The following KCNT2 variants were observed in gnomAD, a reference collection of about 807,000 sequenced individuals.
KCNT2 encodes the protein potassium sodium-activated channel subfamily T member 2.
In KCNT2, 67 loss-of-function variants were observed where a neutral mutation model predicts 153.8. That is an observed-to-expected ratio of 0.44 (90% confidence interval 0.36 to 0.53). KCNT2 has a LOEUF of 0.53. KCNT2 is among the 20% of genes least tolerant of loss of function. The pLI is 0.00. For synonymous variants in KCNT2, 500 were observed against 458.8 expected (o/e 1.09, Z -1.15); for missense variants, 975 against 1,354.8 (o/e 0.72, Z 4.40).
chr1:196,565,817 G>A (rs916896770), intron 1 of KCNT2, among the ~76,000 whole-genome samples: 1 of 151,578 alleles, frequency 6.6e-6, no homozygotes, highest in African/African-American at 2.4e-5. Flanking sequence ...TAGAGGATGT[G>A]GGTGGGGAGG....
chr1:196,275,308 T>A (rs1349202686), intron 25 of KCNT2, among the ~76,000 whole-genome samples: 1 of 151,794 alleles, frequency 6.6e-6, no homozygotes, highest in Non-Finnish European at 1.5e-5. Flanking sequence ...TCTCCTGGCA[T>A]GGAGGGCATA....
chr1:196,241,712 A>C (rs1654977274), intron 26 of KCNT2, among the ~76,000 whole-genome samples: 1 of 152,066 alleles, frequency 6.6e-6, no homozygotes, highest in African/African-American at 2.4e-5. Context: ...TTTCAGAACA[A>C]GCTACATTTT....
chr1:196,332,174 G>A (rs531845816), intron 17 of KCNT2, among the ~76,000 whole-genome samples: 16 of 152,146 alleles, frequency 1.1e-4, no homozygotes, highest in African/African-American at 2.2e-4. Flanking sequence ...AATAAAGTTC[G>A]TTGGCTAAGA....
rs962321469 is a variant in KCNT2 at position 196,334,004 on chromosome 1, G to A, written c.1840C>T (p.Leu614=). 1.9e-6 allele frequency: 3 copies of A among 1,613,256 alleles called. No individual in the cohort carries two copies. The highest frequency in any genetic ancestry group is 3.3e-5 in the Admixed American group (2 of 59,914). The change falls in exon 17 of 28, where the codon CTG becomes TTG. Residue 614 remains leucine, a synonymous_variant. Transcript: ENST00000294725. ...TSCRSASGPT[L]SLPTEGSKEI... Reference sequence around the variant, plus strand: ...TTGCTTCCCTCTGTAGGAAGAGACAGGGTAGGGCCACTTGCTGATCTACAG... The same window carrying A: ...TTGCTTCCCTCTGTAGGAAGAGACAAGGTAGGGCCACTTGCTGATCTACAG...
intron 22 of KCNT2, among the ~76,000 whole-genome samples, chr1:196,301,941 T>C (rs1227613129): frequency 6.6e-6 from 1 of 152,102 alleles, no homozygotes; most frequent in African/African-American, 2.4e-5. Flanking sequence ...GGTTTTACCA[T>C]GTTGGCCACG....
intron 1 of KCNT2, among the ~76,000 whole-genome samples, chr1:196,493,431 A>C (rs1428931652): frequency 6.6e-6 from 1 of 152,022 alleles, no homozygotes; most frequent in Non-Finnish European, 1.5e-5. Context: ...AAAGCTGCTC[A>C]TGCATTTGAG....
intron 1 of KCNT2, among the ~76,000 whole-genome samples, chr1:196,536,924 G>A (rs955379314): frequency 2.6e-5 from 4 of 152,198 alleles, no homozygotes; most frequent in Admixed American, 6.5e-5. Context: ...GGCAGCATAT[G>A]CAGTTACTAA....
chr1:196,269,492 T>C (rs1217417879), intron 25 of KCNT2, among the ~76,000 whole-genome samples: 1 of 152,078 alleles, frequency 6.6e-6, no homozygotes, highest in African/African-American at 2.4e-5. Context: ...AAGTTTTATA[T>C]CTCAGTATTT....
chr1:196,284,244 AAAAAATAT>A (rs1351298694), intron 23 of KCNT2, among the ~76,000 whole-genome samples: 1 of 15,542 alleles, frequency 6.4e-5, no homozygotes, highest in African/African-American at 7.8e-5. Context: ...AAAAAAAAAA[AAAAAATAT>A]ATATATATAT....
chr1:196,354,440 G>C (rs1667009972), intron 14 of KCNT2, among the ~76,000 whole-genome samples: 1 of 151,446 alleles, frequency 6.6e-6, no homozygotes, highest in Non-Finnish European at 1.5e-5. Context: ...AGTTATCTTT[G>C]CATCAATGGG....
At chr1:196,501,771 A>C (rs985299901) in intron 1 of KCNT2, among the ~76,000 whole-genome samples, 2 of 152,202 alleles carry the variant, frequency 1.3e-5, no homozygotes, top group Non-Finnish European at 2.9e-5. Flanking sequence ...AAAATAAAAA[A>C]GAAGGCTTGT....
At chr1:196,282,446 G>T (rs969527021) in intron 23 of KCNT2, 90 bp from the exon 24 acceptor site, 14 of 610,850 alleles carry the variant, frequency 2.3e-5, no homozygotes, top group Non-Finnish European at 3.4e-5. Flanking sequence ...GTGAACATCT[G>T]ACTTCTAAAA....
chr1:196,470,657 C>T (rs956226259), intron 5 of KCNT2, among the ~76,000 whole-genome samples: 42 of 152,138 alleles, frequency 2.8e-4, no homozygotes, highest in Non-Finnish European at 1.0e-4. Context: ...CAGACAATAA[C>T]TGTGCCAGTC....
chr1:196,314,159 G>C (rs1292539070), intron 21 of KCNT2, among the ~76,000 whole-genome samples: 3 of 151,390 alleles, frequency 2.0e-5, no homozygotes, highest in Admixed American at 6.6e-5. Context: ...TTCATCCAGA[G>C]AATATATAAT....
chr1:196,517,037 C>G (rs1652658004), intron 1 of KCNT2, among the ~76,000 whole-genome samples: 1 of 152,098 alleles, frequency 6.6e-6, no homozygotes, highest in Non-Finnish European at 1.5e-5. Context: ...GAGAGAGCTC[C>G]CAATGGGAGT....
At chr1:196,465,477 A>C in intron 7 of KCNT2, 90 bp from the exon 8 acceptor site, 8 of 758,378 alleles carry the variant, frequency 1.1e-5, no homozygotes, top group Non-Finnish European at 1.9e-5. Context: ...ATTTCATGTC[A>C]ACTCTCCTGT....
At chr1:196,293,870 A>C (rs1214055514) in intron 22 of KCNT2, among the ~76,000 whole-genome samples, 1 of 150,522 alleles carries the variant, frequency 6.6e-6, no homozygotes, top group African/African-American at 2.4e-5. Flanking sequence ...AAAAAAAAAA[A>C]AAACAAAAAA....
chr1:196,330,740 A>G lies in KCNT2; in HGVS notation c.2103+416T>C, dbSNP rs997848514. On this transcript the variant is annotated intron_variant, in intron 18 of 27. Coordinates refer to ENST00000294725, the MANE Select transcript of KCNT2 (RefSeq NM_198503.5). Reference sequence around the variant, plus strand: ...ATATGAGCTTTCACTTTAGTCATAAATGAATCTTTGTGTCTAACACATGGA... The same window carrying G: ...ATATGAGCTTTCACTTTAGTCATAAGTGAATCTTTGTGTCTAACACATGGA... Among the ~76,000 whole-genome samples the G allele has an allele frequency of 2.2e-4, 33 of 152,006 alleles. 1 individual carries two copies. Among genetic ancestry groups the G allele is most frequent in the Non-Finnish European group, 1.5e-5 (1 of 67,886 alleles).
chr1:196,478,103 A>C (rs887905756), intron 5 of KCNT2, among the ~76,000 whole-genome samples: 3 of 152,184 alleles, frequency 2.0e-5, no homozygotes, highest in Admixed American at 6.5e-5. Context: ...CCAGTCCTTC[A>C]AACTTAGAAG....
Sources: gnomAD v4.1 joint callset for allele counts (sites outside exome capture counted in the v4.1 genomes callset) on GRCh38, gnomAD v4.1.1 for gene constraint, MANE v1.5 for transcripts, NCBI Gene and HGNC (gene_info 2026-07-23, HGNC 2026-07-21) for gene names.